TMCO4: variants seen among roughly 807,000 people sequenced by gnomAD.
The protein encoded by TMCO4 is transmembrane and coiled-coil domains 4.
TMCO4 carries 58 observed loss-of-function variants against 64.7 expected under a neutral mutation model. The observed-to-expected ratio is 0.90, with a 90% CI of 0.73 to 1.12. The LOEUF (loss-of-function observed/expected upper bound fraction) is 1.12, where lower values mean the gene tolerates loss of function less well. Among genes scored for constraint, TMCO4 ranks in the 50% most tolerant of loss-of-function variants. The pLI is 0.00. For synonymous variants in TMCO4, 325 were observed against 346.1 expected (o/e 0.94, Z 0.68); for missense variants, 780 against 825.9 (o/e 0.94, Z 0.68).
chr1:19,780,044 A>G (rs2043388852), intron 4 of TMCO4, among the ~76,000 whole-genome samples: 1 of 151,980 alleles, frequency 6.6e-6, no homozygotes, highest in South Asian at 2.1e-4. Context: ...AGGGAAGACA[A>G]TTTTTCCAGG....
intron 14 of TMCO4, among the ~76,000 whole-genome samples, chr1:19,697,712 C>T (rs2095246029): frequency 6.6e-6 from 1 of 151,662 alleles, no homozygotes; most frequent in Non-Finnish European, 1.5e-5. Context: ...CATCCTCCCA[C>T]CTCAGCTTCC....
intron 6 of TMCO4, among the ~76,000 whole-genome samples, chr1:19,765,517 C>T (rs2042694995): frequency 6.6e-6 from 1 of 151,946 alleles, no homozygotes; most frequent in Non-Finnish European, 1.5e-5. Flanking sequence ...TGGGTAGAGG[C>T]CAGGGATGTG....
chr1:19,773,165 G>A (rs2043061738), intron 4 of TMCO4, among the ~76,000 whole-genome samples: 1 of 152,002 alleles, frequency 6.6e-6, no homozygotes, highest in Non-Finnish European at 1.5e-5. Context: ...CTCCAGCCTG[G>A]GTGACAGAGT....
Position 19,734,424 on chromosome 1 carries a change from G to C in TMCO4, c.1264+2948C>G, listed in dbSNP as rs143925853. On this transcript the variant is annotated intron_variant, in intron 13 of 15. Coordinates refer to ENST00000294543, the MANE Select transcript of TMCO4 (RefSeq NM_181719.7). This position sits in a 1 kb window ranked among gnomAD's most constrained non-coding sequence, Gnocchi z 4.4. ...TATGTGCGCATGTGTGTGAACTGTA[G>C]GGTGCCCAGCACCAGTGCCCCCGGG... is the stretch of plus-strand genomic sequence containing the variant. 1.1e-4 allele frequency among the ~76,000 whole-genome samples: 17 copies of C among 152,220 alleles called. 1 individual carries two copies. In the East Asian group the frequency reaches 3.3e-3, roughly 29 times the overall value.
At chr1:19,688,279 C>T (rs1052802945) in intron 15 of TMCO4, among the ~76,000 whole-genome samples, 4 of 152,156 alleles carry the variant, frequency 2.6e-5, no homozygotes, top group Admixed American at 6.6e-5. Context: ...TCACTCACCT[C>T]TGTGCCCCAC....
chr1:19,701,566 C>T (rs765701727), intron 13 of TMCO4, among the ~76,000 whole-genome samples: 1 of 152,152 alleles, frequency 6.6e-6, no homozygotes, highest in Non-Finnish European at 1.5e-5. Flanking sequence ...GAACCCAGGT[C>T]TCTCTCCACC....
At chr1:19,713,028 T>G (rs2095338652) in intron 13 of TMCO4, among the ~76,000 whole-genome samples, 2 of 152,126 alleles carry the variant, frequency 1.3e-5, no homozygotes, top group Non-Finnish European at 2.9e-5. Flanking sequence ...GACCCATTCT[T>G]ATGGTGAGGT....
intron 2 of TMCO4, among the ~76,000 whole-genome samples, chr1:19,792,263 G>A (rs899656053): frequency 6.6e-6 from 1 of 152,196 alleles, no homozygotes. Context: ...TAGATATAGA[G>A]TGAGAATAAC....
At chr1:19,744,620 C>T (rs1179815100) in intron 10 of TMCO4, among the ~76,000 whole-genome samples, 1 of 152,154 alleles carries the variant, frequency 6.6e-6, no homozygotes, top group Non-Finnish European at 1.5e-5. Flanking sequence ...CACATTCCTG[C>T]CTTCTGCCTC....
intron 13 of TMCO4, 34 bp from the exon 14 acceptor site, chr1:19,700,919 C>T: frequency 6.3e-7 from 1 of 1,590,550 alleles, no homozygotes; most frequent in Non-Finnish European, 8.6e-7. Flanking sequence ...CCGTCAGTGT[C>T]CCTGGCCACA....
intron 15 of TMCO4, among the ~76,000 whole-genome samples, chr1:19,690,146 C>A (rs1271741382): frequency 6.6e-6 from 1 of 152,236 alleles, no homozygotes; most frequent in African/African-American, 2.4e-5. Flanking sequence ...TGTTTCATCA[C>A]TCAATAAAAC....
chr1:19,683,481 G>GCAGAGCC, intron 15 of TMCO4, 37 bp from the exon 16 acceptor site: 1 of 1,604,962 alleles, frequency 6.2e-7, no homozygotes, highest in Non-Finnish European at 8.5e-7. Flanking sequence ...CCGTGGGTGT[G>GCAGAGCC]CAGAGCCCAG....
intron 13 of TMCO4, among the ~76,000 whole-genome samples, chr1:19,736,734 G>A (rs1193445612): frequency 6.6e-6 from 1 of 152,222 alleles, no homozygotes; most frequent in African/African-American, 2.4e-5. Context: ...GGATGACACT[G>A]GAGGCATGAC....
chr1:19,694,501 C>A lies in TMCO4; in HGVS notation c.1433G>T (p.Arg478Leu). 6.2e-7 allele frequency: 1 copy of A among 1,613,692 alleles called. No homozygotes were observed. The highest frequency in any genetic ancestry group is 8.5e-7 in the Non-Finnish European group (1 of 1,179,766). Reference sequence around the variant, plus strand: ...CAGCACGGGCTGTAGGCCGGCGACACGGAGCTGCACCGAGGATGTGCGGTA... The same window carrying A: ...CAGCACGGGCTGTAGGCCGGCGACAAGGAGCTGCACCGAGGATGTGCGGTA... ...FVYRTSSVQL[R>L]VAGLQPVLLQ... The change falls in exon 15 of 16, where the codon CGT becomes CTT. Residue 478 changes from arginine to leucine, a missense_variant. Physicochemically the swap from Arg to Leu is moderately radical, Grantham distance 102. Coordinates refer to ENST00000294543, the MANE Select transcript of TMCO4 (RefSeq NM_181719.7).
rs2095476496 is a variant in TMCO4, at chr1:19,740,907, G to A, written c.912C>T (p.His304=). 1.2e-6 allele frequency: 2 copies of A among 1,613,632 alleles called. No homozygotes were observed. Among genetic ancestry groups the A allele is most frequent in the Non-Finnish European group, 1.7e-6 (2 of 1,179,822 alleles). ...TFSAPWAALA[H]SREQYCLAWE... is the part of the protein sequence containing the mutation. ...AGGCCAGGCAGTACTGCTCACGGCT[G>A]TGGGCCAGGGCAGCCCACGGGGCAC... Residue 304 remains histidine, a synonymous_variant, in exon 11 of 16, where the codon CAC becomes CAT. Coordinates refer to ENST00000294543, the MANE Select transcript of TMCO4 (RefSeq NM_181719.7).
At chr1:19,755,282 T>A (rs2281247) in intron 7 of TMCO4, among the ~76,000 whole-genome samples, 28,443 of 152,170 alleles carry the variant, frequency 0.19, 3,153 homozygotes, top group East Asian at 0.38. Context: ...CATGCCAGCG[T>A]GCCCGGCTAA....
At chr1:19,789,909 C>T (rs118141838) in intron 2 of TMCO4, among the ~76,000 whole-genome samples, 3,681 of 151,726 alleles carry the variant, frequency 0.024, 65 homozygotes, top group South Asian at 0.063. Context: ...AAAAATTAGC[C>T]AGGCATGATG....
intron 13 of TMCO4, among the ~76,000 whole-genome samples, chr1:19,704,390 A>T (rs1265407446): frequency 6.6e-6 from 1 of 152,258 alleles, no homozygotes; most frequent in African/African-American, 2.4e-5. Flanking sequence ...ACGAGGAAAC[A>T]GGGTCAGAGA....
chr1:19,702,303 A>T (rs1278851487), intron 13 of TMCO4, among the ~76,000 whole-genome samples: 1 of 151,630 alleles, frequency 6.6e-6, no homozygotes, highest in Non-Finnish European at 1.5e-5. Context: ...AAAAAAAAAA[A>T]AGTCAGGGCC....
Sources: allele counts gnomAD v4.1 joint callset (sites outside exome capture counted in the v4.1 genomes callset), GRCh38; gene constraint gnomAD v4.1.1; non-coding constraint Gnocchi (gnomAD v3.1); transcripts MANE v1.5; gene names NCBI Gene and HGNC (gene_info 2026-07-23, HGNC 2026-07-21).